PDGFC: variants seen among roughly 807,000 people sequenced by gnomAD.
PDGFC encodes the protein platelet-derived growth factor C.
PDGFC carries 12 observed loss-of-function variants against 35.5 expected under a neutral mutation model. That is an observed-to-expected ratio of 0.34 (90% CI 0.22 to 0.55). The LOEUF is 0.55. Among genes scored for constraint, PDGFC ranks in the 20% least tolerant of loss-of-function variants. The probability of loss-of-function intolerance (pLI) is 0.91; values close to 1 mark genes in which losing one functional copy is unlikely to be tolerated. For missense variants in PDGFC, 322 were observed against 412.4 expected, an observed-to-expected ratio of 0.78 and a Z score of 1.90; for synonymous variants, 159 against 148.8, an observed-to-expected ratio of 1.07 and a Z score of -0.50.
At chr4:156,963,637 G>A (rs1035106984) in intron 1 of PDGFC, among the ~76,000 whole-genome samples, 1 of 152,132 alleles carries the variant, frequency 6.6e-6, no homozygotes, top group Non-Finnish European at 1.5e-5. Flanking sequence ...TAACCGTCCA[G>A]GGAGGAGCCT....
intron 1 of PDGFC, among the ~76,000 whole-genome samples, chr4:156,857,651 A>G (rs1445099098): frequency 3.3e-5 from 5 of 152,094 alleles, no homozygotes; most frequent in African/African-American, 1.2e-4. Flanking sequence ...TCATCCCTCA[A>G]CACCACAATG....
chr4:156,839,646 C>T (rs539124094), intron 2 of PDGFC, among the ~76,000 whole-genome samples: 1 of 152,190 alleles, frequency 6.6e-6, no homozygotes, highest in East Asian at 1.9e-4. Flanking sequence ...AAACTGGAAC[C>T]ATTTGGAGGG....
intron 1 of PDGFC, among the ~76,000 whole-genome samples, chr4:156,927,126 C>A (rs994696804): frequency 6.6e-6 from 1 of 152,196 alleles, no homozygotes; most frequent in Non-Finnish European, 1.5e-5. Flanking sequence ...ACCTTGGCCC[C>A]TTTTAGCAGT....
chr4:156,850,605 C>T (rs1455725826), intron 1 of PDGFC, among the ~76,000 whole-genome samples, 189 bp from the exon 2 acceptor site: 1 of 151,964 alleles, frequency 6.6e-6, no homozygotes, highest in Non-Finnish European at 1.5e-5. Context: ...GAATAAAAAC[C>T]TGTTTCATAT....
intron 1 of PDGFC, among the ~76,000 whole-genome samples, chr4:156,868,761 C>T (rs573674058): frequency 6.6e-6 from 1 of 152,246 alleles, no homozygotes; most frequent in African/African-American, 2.4e-5. Flanking sequence ...CCTTTACTAT[C>T]TTAGATATTC....
intron 3 of PDGFC, among the ~76,000 whole-genome samples, chr4:156,781,890 C>CACATTTTTATT (rs1350189904): frequency 6.6e-5 from 10 of 152,126 alleles, no homozygotes; most frequent in African/African-American, 2.4e-4. Context: ...GATTATCATA[C>CACATTTTTATT]ACATTTTTAT....
At chr4:156,901,175 A>G (rs1180343436) in intron 1 of PDGFC, among the ~76,000 whole-genome samples, 1 of 152,130 alleles carries the variant, frequency 6.6e-6, no homozygotes, top group East Asian at 1.9e-4. Context: ...TAGAGATTCC[A>G]TTTCATCAGA....
chr4:156,926,379 A>T (rs1173127118), intron 1 of PDGFC, among the ~76,000 whole-genome samples: 3 of 152,094 alleles, frequency 2.0e-5, no homozygotes, highest in Admixed American at 6.5e-5. Context: ...GGAGGGGAGG[A>T]GGGAAGTACT....
At chr4:156,822,412 A>ATACTGTATGAGGAAGCACATACAATAT (rs939621790) in intron 2 of PDGFC, among the ~76,000 whole-genome samples, 2 of 151,852 alleles carry the variant, frequency 1.3e-5, no homozygotes, top group African/African-American at 2.4e-5. Flanking sequence ...TAAAGTGTGA[A>ATACTGTATGAGGAAGCACATACAATAT]TACTGTATGA....
Position 156,958,114 on chromosome 4 carries a change from T to C in PDGFC, c.118+12672A>G, listed in dbSNP as rs923228025. ...ATCGCTTTTTATTCTCTAATATACC[T>C]AACTGCATGTCTTCTCTCTCCCTTT... On this transcript the variant is annotated intron_variant, in intron 1 of 5. Coordinates refer to ENST00000502773, the MANE Select transcript of PDGFC (RefSeq NM_016205.3). Among the ~76,000 whole-genome samples, 3 of 152,016 alleles carry C rather than the reference T, an allele frequency of 2.0e-5. No individual in the cohort carries two copies. The East Asian group carries it at 5.8e-4, about 29-fold the overall frequency.
intron 3 of PDGFC, among the ~76,000 whole-genome samples, chr4:156,791,219 A>G (rs566991149): frequency 1.3e-5 from 2 of 152,176 alleles, no homozygotes; most frequent in African/African-American, 4.8e-5. Flanking sequence ...ATTCACTTAA[A>G]ATTTTAAGAG....
chr4:156,960,162 AG>A (rs1732307714), intron 1 of PDGFC, among the ~76,000 whole-genome samples: 2 of 151,236 alleles, frequency 1.3e-5, no homozygotes. Flanking sequence ...TGCTATTTTC[AG>A]ATTGCTGCTT....
intron 1 of PDGFC, among the ~76,000 whole-genome samples, chr4:156,881,657 C>T (rs1455486878): frequency 6.6e-6 from 1 of 151,912 alleles, no homozygotes; most frequent in Admixed American, 6.6e-5. Context: ...ATGGTGAAAC[C>T]CTGTCTCTAC....
chr4:156,877,577 T>A (rs1048112051), intron 1 of PDGFC, among the ~76,000 whole-genome samples: 6 of 152,170 alleles, frequency 3.9e-5, no homozygotes, highest in Non-Finnish European at 7.3e-5. Context: ...AGAGAAAATA[T>A]TATATGCAAA....
chr4:156,884,662 TG>T (rs1251639132), intron 1 of PDGFC, among the ~76,000 whole-genome samples: 5 of 152,246 alleles, frequency 3.3e-5, no homozygotes, highest in Admixed American at 6.5e-5. Context: ...CACATTTTAC[TG>T]GTATTTGTAT....
chr4:156,864,134 A>G (rs1209827023), intron 1 of PDGFC, among the ~76,000 whole-genome samples: 1 of 152,152 alleles, frequency 6.6e-6, no homozygotes, highest in Non-Finnish European at 1.5e-5. Context: ...CTGCCTAAGA[A>G]AAAAGTTTAT....
Position 156,934,982 on chromosome 4 carries a change from C to A in PDGFC, c.118+35804G>T, listed in dbSNP as rs1016966943. The stretch of plus-strand genomic sequence containing the variant: ...ATACCTGAGGCTTTCTTACAGTTAA[C>A]GTTTTTTTGTTTTGTTTTGTTTGTT... On this transcript the variant is annotated intron_variant, in intron 1 of 5. Transcript: ENST00000502773. Among the ~76,000 whole-genome samples, 4 of 151,972 alleles carry A rather than the reference C, an allele frequency of 2.6e-5. No homozygotes were observed. The South Asian group carries it at 6.2e-4, about 24-fold the overall frequency.
At chr4:156,912,444 C>A (rs1474185554) in intron 1 of PDGFC, among the ~76,000 whole-genome samples, 1 of 152,132 alleles carries the variant, frequency 6.6e-6, no homozygotes, top group African/African-American at 2.4e-5. Context: ...TCTCGAGGCA[C>A]ATGTCCTTAG....
chr4:156,826,434 C>T (rs774193679), intron 2 of PDGFC, among the ~76,000 whole-genome samples: 1 of 151,932 alleles, frequency 6.6e-6, no homozygotes, highest in Non-Finnish European at 1.5e-5. Context: ...AACTCCTGAC[C>T]TCAGGTGGTC....
Sources: allele counts gnomAD v4.1 joint callset (sites outside exome capture counted in the v4.1 genomes callset), GRCh38; gene constraint gnomAD v4.1.1; transcripts MANE v1.5; gene names NCBI Gene and HGNC (gene_info 2026-07-23, HGNC 2026-07-21).